Variants in TRIM2 observed in about 807,000 individuals in gnomAD.
The protein encoded by TRIM2 is tripartite motif containing 2.
In TRIM2, 20 loss-of-function variants were observed where a neutral mutation model predicts 75.2. The observed-to-expected ratio is 0.27, with a 90% CI of 0.19 to 0.39. The LOEUF (loss-of-function observed/expected upper bound fraction) is 0.39, where lower values mean the gene tolerates loss of function less well. TRIM2 is among the 10% of genes least tolerant of loss of function. The pLI, the probability that TRIM2 is intolerant of heterozygous loss-of-function variation, is 1.00. For missense variants in TRIM2, 660 were observed against 990.8 expected (o/e 0.67, Z 4.48); for synonymous variants, 373 against 388.3 (o/e 0.96, Z 0.46).
At chr4:153,214,151 A>T (rs1411090713) in intron 1 of TRIM2, among the ~76,000 whole-genome samples, 1 of 152,246 alleles carries the variant, frequency 6.6e-6, no homozygotes, top group African/African-American at 2.4e-5. Flanking sequence ...AACATTTAAA[A>T]GGTTTTTGAT....
At chr4:153,165,279 T>A (rs932676042) in intron 1 of TRIM2, among the ~76,000 whole-genome samples, 1 of 152,226 alleles carries the variant, frequency 6.6e-6, no homozygotes, top group African/African-American at 2.4e-5. Flanking sequence ...CAGTAGTTTC[T>A]TAAGAAAGGA....
rs535264042 is a variant in TRIM2 at position 153,244,376 on chromosome 4, T to C, written c.31-25959T>C. Reference sequence around the variant, plus strand: ...CTTCCTCTTCTTCTTCTTCTTCTTCTTCTTCTTCTTCTTCTTCTTCTTCTT... The same window carrying C: ...CTTCCTCTTCTTCTTCTTCTTCTTCCTCTTCTTCTTCTTCTTCTTCTTCTT... On this transcript the variant is annotated intron_variant, in intron 1 of 11. Coordinates refer to ENST00000338700, the MANE Select transcript of TRIM2 (RefSeq NM_015271.5). Among the ~76,000 whole-genome samples, 70 of 61,464 alleles carry C rather than the reference T, an allele frequency of 1.1e-3. 1 individual carries two copies. The highest frequency in any genetic ancestry group is 4.7e-3 in the East Asian group (14 of 2,972). The allele number at this position is 61,464 out of a possible 152,430, so 40.3% of individuals were successfully genotyped here.
chr4:153,334,416 C>T (rs1772172876), intron 11 of TRIM2, among the ~76,000 whole-genome samples: 1 of 143,246 alleles, frequency 7.0e-6, no homozygotes, highest in Non-Finnish European at 1.5e-5. Flanking sequence ...TTTTAAGAGA[C>T]GGGGTCTCGC....
chr4:153,303,800 G>T (rs552956598), intron 6 of TRIM2, among the ~76,000 whole-genome samples: 1 of 152,138 alleles, frequency 6.6e-6, no homozygotes, highest in Non-Finnish European at 1.5e-5. Flanking sequence ...CATGACATTC[G>T]TCATTTTCTG....
chr4:153,256,089 C>T (rs999590727), intron 1 of TRIM2, among the ~76,000 whole-genome samples: 10 of 152,182 alleles, frequency 6.6e-5, no homozygotes, highest in Admixed American at 5.9e-4. Context: ...AAATTGTACA[C>T]TTTAAATGGG....
At chr4:153,305,761 C>T (rs1333929747) in intron 6 of TRIM2, among the ~76,000 whole-genome samples, 1 of 152,208 alleles carries the variant, frequency 6.6e-6, no homozygotes, top group African/African-American at 2.4e-5. Context: ...AACACAATAA[C>T]CCCTTAAAAG....
intron 1 of TRIM2, among the ~76,000 whole-genome samples, chr4:153,219,713 T>G (rs1415448782): frequency 6.6e-6 from 1 of 151,856 alleles, no homozygotes; most frequent in African/African-American, 2.4e-5. Flanking sequence ...CTGAAAAATA[T>G]AAAAATTAGC....
chr4:153,206,167 A>C (rs942883395), intron 1 of TRIM2, among the ~76,000 whole-genome samples: 1 of 152,230 alleles, frequency 6.6e-6, no homozygotes, highest in Non-Finnish European at 1.5e-5. Context: ...CACTAACTGC[A>C]GTGAGTGCAG....
At chr4:153,325,760 C>T (rs148324475) in intron 10 of TRIM2, among the ~76,000 whole-genome samples, 22 of 152,312 alleles carry the variant, frequency 1.4e-4, no homozygotes, top group African/African-American at 5.1e-4. Context: ...CATAATTAAT[C>T]AAGTGGCTCT....
Position 153,324,433 on chromosome 4 carries a change from G to A in TRIM2, c.2022+285G>A, listed in dbSNP as rs886117063. 4 of 217,482 alleles carry A rather than the reference G, an allele frequency of 1.8e-5. No homozygotes were observed. The East Asian group carries it at 5.5e-4, about 30-fold the overall frequency. 13.5% of individuals were successfully genotyped at this position (217,482 alleles called of 1,614,324 possible). A position where few individuals can be genotyped will look rare whatever the true frequency, so the allele number is the denominator to read the frequency against. ...AAGCAATTCGTTGAACTTAGAGGCA[G>A]AACTTTCTGAAGCTTAATGTTTTGT... On this transcript the variant is annotated intron_variant, in intron 10 of 11. Coordinates refer to ENST00000338700, the MANE Select transcript of TRIM2 (RefSeq NM_015271.5).
chr4:153,228,513 C>T (rs1049664225), intron 1 of TRIM2, among the ~76,000 whole-genome samples: 2 of 152,230 alleles, frequency 1.3e-5, no homozygotes, highest in African/African-American at 2.4e-5. Flanking sequence ...ATGGCAATAA[C>T]TGGGTATCTT....
At chr4:153,228,405 G>A (rs916206149) in intron 1 of TRIM2, among the ~76,000 whole-genome samples, 5 of 152,232 alleles carry the variant, frequency 3.3e-5, no homozygotes, top group Non-Finnish European at 7.3e-5. Context: ...ACTCCAGGGA[G>A]AAAAACTAAA....
chr4:153,205,910 T>A (rs76612981), intron 1 of TRIM2, among the ~76,000 whole-genome samples: 7,630 of 152,302 alleles, frequency 0.05, 575 homozygotes, highest in African/African-American at 0.17. Context: ...GTTCTCCTGG[T>A]GCGGTCCTAG....
intron 1 of TRIM2, among the ~76,000 whole-genome samples, chr4:153,214,752 T>TC (rs1378660954): frequency 6.6e-6 from 1 of 152,128 alleles, no homozygotes; most frequent in African/African-American, 2.4e-5. Flanking sequence ...TAATCAGGCC[T>TC]CCCCTAGGTA....
chr4:153,200,731 A>G (rs1440803030), upstream of TRIM2, among the ~76,000 whole-genome samples: 3 of 140,822 alleles, frequency 2.1e-5, no homozygotes, highest in Non-Finnish European at 4.6e-5. Flanking sequence ...AAAAATATAT[A>G]TATATATATA....
rs760673113 is a variant in TRIM2 at position 153,270,439 on chromosome 4, G to A, written c.135G>A (p.Lys45=). The change falls in exon 2 of 12, where the codon AAG becomes AAA. Residue 45 remains lysine, a synonymous_variant. Transcript: ENST00000338700. The part of the protein sequence containing the change: ...IPSPVVRQID[K]QFLICSICLE... ...GTCCTGTGGTGCGCCAGATTGACAA[G>A]CAGTTTCTGATTTGCAGTATATGCC... is the stretch of plus-strand genomic sequence containing the variant. The A allele has an allele frequency of 1.9e-6, 3 of 1,613,924 alleles. No individual in the cohort carries two copies. Among genetic ancestry groups the A allele is most frequent in the South Asian group, 1.1e-5 (1 of 91,036 alleles).
At chr4:153,283,830 G>T (rs1759923561) in intron 3 of TRIM2, among the ~76,000 whole-genome samples, 1 of 139,072 alleles carries the variant, frequency 7.2e-6, no homozygotes, top group Non-Finnish European at 1.6e-5. Flanking sequence ...TAGAGACGGG[G>T]TTTCATCATC....
intron 3 of TRIM2, 123 bp from the exon 4 acceptor site, chr4:153,292,856 TTAA>T: frequency 2.0e-6 from 2 of 1,007,660 alleles, no homozygotes; most frequent in Non-Finnish European, 2.8e-6. Flanking sequence ...GAAGCTGGAC[TTAA>T]TAATGCTGAC....
At chr4:153,188,879 A>G (rs1732894237) in intron 1 of TRIM2, among the ~76,000 whole-genome samples, 1 of 152,212 alleles carries the variant, frequency 6.6e-6, no homozygotes, top group Non-Finnish European at 1.5e-5. Flanking sequence ...TTTATTTCTC[A>G]AACTGTACAT....
Sources: allele counts gnomAD v4.1 joint callset (sites outside exome capture counted in the v4.1 genomes callset), GRCh38; gene constraint gnomAD v4.1.1; transcripts MANE v1.5; gene names NCBI Gene and HGNC (gene_info 2026-07-23, HGNC 2026-07-21).